GCM1: variants seen among roughly 807,000 people sequenced by gnomAD.
GCM1 encodes chorion-specific transcription factor GCMa.
GCM1 carries 2 observed loss-of-function variants against 25.7 expected under a neutral mutation model. That is an observed-to-expected ratio of 0.08 (90% CI 0.03 to 0.24). The LOEUF is 0.24. Among genes scored for constraint, GCM1 ranks in the 10% least tolerant of loss-of-function variants. The probability of loss-of-function intolerance (pLI) is 1.00; values close to 1 mark genes in which losing one functional copy is unlikely to be tolerated. For missense variants in GCM1, 395 were observed against 538.7 expected, an observed-to-expected ratio of 0.73 and a Z score of 2.64; for synonymous variants, 183 against 195.7, an observed-to-expected ratio of 0.94 and a Z score of 0.54.
intron 1 of GCM1, among the ~76,000 whole-genome samples, chr6:53,146,134 G>A (rs769267507): frequency 6.6e-5 from 10 of 150,904 alleles, no homozygotes; most frequent in Admixed American, 1.3e-4. Context: ...GCTAATGTGT[G>A]GTTGAAGCTG....
chr6:53,145,783 T>C lies in GCM1; in HGVS notation c.-136-15A>G. 1 of 580,934 alleles carries C rather than the reference T, an allele frequency of 1.7e-6. No homozygotes were observed. Among genetic ancestry groups the C allele is most frequent in the Non-Finnish European group, 3.0e-6 (1 of 330,230 alleles). The allele number at this position is 580,934 out of a possible 1,614,324, so 36.0% of individuals were successfully genotyped here. On this transcript the variant is annotated splice_polypyrimidine_tract_variant and intron_variant, in intron 1 of 5. Coordinates refer to ENST00000259803, the MANE Select transcript of GCM1 (RefSeq NM_003643.4). ...GTTTTCTAGGGCTAAAAAAATAAGT[T>C]ATATTAGTATTGGCCATTAAAGAGA... is the stretch of plus-strand genomic sequence containing the variant.
At chr6:53,129,296 AGTCTCGCTCT>A (rs1763691912) in intron 5 of GCM1, among the ~76,000 whole-genome samples, 1 of 142,378 alleles carries the variant, frequency 7.0e-6, no homozygotes, top group Non-Finnish European at 1.5e-5. Context: ...TTTGAGATGG[AGTCTCGCTCT>A]GTTGCCCAGC....
chr6:53,143,539 C>G (rs4132340), intron 2 of GCM1, among the ~76,000 whole-genome samples: 29,612 of 152,084 alleles, frequency 0.19, 3,541 homozygotes, highest in African/African-American at 0.34. Context: ...TTTCGTGTCT[C>G]TCCAACTTCT....
intron 2 of GCM1, among the ~76,000 whole-genome samples, chr6:53,142,870 C>CAAAAAAAAAAAAAAAAAA (rs60718730): frequency 8.0e-5 from 3 of 37,510 alleles, no homozygotes; most frequent in African/African-American, 7.1e-5. Flanking sequence ...CAAGGATCTC[C>CAAAAAAAAAAAAAAAAAA]AAAAAAAAAA....
Position 53,128,197 on chromosome 6 carries a change from A to C in GCM1, c.*9T>G. On this transcript the variant is annotated 3_prime_UTR_variant, in exon 6 of 6. Coordinates refer to ENST00000259803, the MANE Select transcript of GCM1 (RefSeq NM_003643.4). The stretch of plus-strand genomic sequence containing the variant: ...GAGGGGCTGGGGTGCACATAGTGAA[A>C]GATTTGGGTCATCTCAAAGGACACA... The C allele has an allele frequency of 6.3e-7, 1 of 1,596,648 alleles. No homozygotes were observed. Among genetic ancestry groups the C allele is most frequent in the Non-Finnish European group, 8.5e-7 (1 of 1,174,816 alleles).
intron 1 of GCM1, among the ~76,000 whole-genome samples, chr6:53,146,784 A>G (rs140933554): frequency 2.6e-5 from 4 of 152,236 alleles, no homozygotes; most frequent in African/African-American, 9.6e-5. Flanking sequence ...TGTAATCCCA[A>G]TACTTTGGGA....
intron 3 of GCM1, among the ~76,000 whole-genome samples, chr6:53,132,784 G>C (rs1157454196): frequency 6.6e-6 from 1 of 152,188 alleles, no homozygotes; most frequent in Non-Finnish European, 1.5e-5. Flanking sequence ...ACATGGGAGA[G>C]TGAATGCAGC....
intron 2 of GCM1, among the ~76,000 whole-genome samples, chr6:53,140,343 A>T (rs1462681797): frequency 3.3e-5 from 5 of 152,170 alleles, no homozygotes; most frequent in Non-Finnish European, 7.3e-5. Context: ...TGTTCTGATT[A>T]CATGTGGCCA....
chr6:53,131,071 C>T lies in GCM1; in HGVS notation c.442-140G>A, dbSNP rs942560833. The T allele has an allele frequency of 5.4e-6, 4 of 745,208 alleles. No homozygotes were observed. The African/African-American group carries it at 7.0e-5, about 13-fold the overall frequency. The allele number at this position is 745,208 out of a possible 1,614,324, so 46.2% of individuals were successfully genotyped here. A position where few individuals can be genotyped will look rare whatever the true frequency, so the allele number is the denominator to read the frequency against. The stretch of plus-strand genomic sequence containing the variant: ...GCCTATGGTAACCAGACTGGATGAA[C>T]CTCTGAAGGCGCTCCCAAGCCCACC... On this transcript the variant is annotated intron_variant, in intron 4 of 5. Transcript: ENST00000259803.
chr6:53,146,181 A>C (rs1763951359), intron 1 of GCM1, among the ~76,000 whole-genome samples: 1 of 147,176 alleles, frequency 6.8e-6, no homozygotes, highest in Non-Finnish European at 1.5e-5. Flanking sequence ...ATCTAGGAAA[A>C]TACATATATG....
At position 53,128,641 on chromosome 6, in the gene GCM1, G is replaced by A. The variant is rs758368502; in HGVS notation, c.876C>T (p.Gly292=). The A allele has an allele frequency of 6.8e-6, 11 of 1,613,412 alleles. No homozygotes were observed. The highest frequency in any genetic ancestry group is 2.2e-5 in the South Asian group (2 of 91,066). ...PSASGVYSDH[G]DLQAWSKNAA... ...CATTTTTACTCCACGCTTGTAGATC[G>A]CCATGATCAGAGTAGACTCCGGAGG... Residue 292 remains glycine (G), a synonymous_variant, in exon 6 of 6, where the codon GGC becomes GGT. Transcript: ENST00000259803.
chr6:53,131,846 A>G, intron 4 of GCM1, 161 bp downstream of exon 4: 1 of 625,636 alleles, frequency 1.6e-6, no homozygotes, highest in African/African-American at 1.8e-5. Flanking sequence ...AGAGCTCCCC[A>G]GCACTTCAAA....
intron 2 of GCM1, among the ~76,000 whole-genome samples, chr6:53,136,795 C>T (rs1158544722): frequency 4.0e-5 from 6 of 151,828 alleles, no homozygotes; most frequent in African/African-American, 1.5e-4. Flanking sequence ...CCCAACATGG[C>T]AAAACCCCGT....
chr6:53,144,192 C>T (rs778083978), intron 2 of GCM1, among the ~76,000 whole-genome samples: 14 of 152,074 alleles, frequency 9.2e-5, no homozygotes, highest in South Asian at 2.1e-4. Flanking sequence ...GAAGGTGAGA[C>T]GGAAGGGTTG....
chr6:53,139,560 T>C (rs1318908396), intron 2 of GCM1, among the ~76,000 whole-genome samples: 1 of 151,216 alleles, frequency 6.6e-6, no homozygotes, highest in Non-Finnish European at 1.5e-5. Context: ...TGGTATTTCT[T>C]AGTCAAGAGA....
chr6:53,137,367 T>A lies in GCM1; in HGVS notation c.76-3043A>T, dbSNP rs186664106. ...TCTCTCCACCCACCTTCTCTTCCCT[T>A]CCTTCCTTCCTTCTTCTGGCCCAAA... On this transcript the variant is annotated intron_variant, in intron 2 of 5. Transcript: ENST00000259803. 9.5e-4 allele frequency among the ~76,000 whole-genome samples: 145 copies of A among 152,300 alleles called. 1 individual carries two copies. The highest frequency in any genetic ancestry group is 2.6e-4 in the Non-Finnish European group (18 of 68,008).
chr6:53,129,023 T>C, intron 5 of GCM1, 77 bp from the exon 6 acceptor site: 2 of 1,142,102 alleles, frequency 1.8e-6, no homozygotes, highest in African/African-American at 1.5e-5. Context: ...CATGAGTTAC[T>C]CTGTACAAAT....
In GCM1 at chr6:53,127,129, C is replaced by T. The variant is rs370365805; in HGVS notation, c.*1077G>A. Reference sequence around the variant, plus strand: ...AGCTTCTCCAAGCAAATATTTCTCACCTATTACAAACCCCACATTGATATA... The same window carrying T: ...AGCTTCTCCAAGCAAATATTTCTCATCTATTACAAACCCCACATTGATATA... On this transcript the variant is annotated 3_prime_UTR_variant, in exon 6 of 6. Transcript: ENST00000259803. 1 of 152,116 alleles carries T rather than the reference C, an allele frequency of 6.6e-6. No homozygotes were observed. The highest frequency in any genetic ancestry group is 2.1e-4 in the South Asian group (1 of 4,824). The allele number at this position is 152,116 out of a possible 1,614,324, so 9.4% of individuals were successfully genotyped here.
In GCM1 at chr6:53,128,051, A is replaced by AAAAAAAAAAAAAAG. The variant is rs1763668324; in HGVS notation, c.*154_*155insCTTTTTTTTTTTTT. On this transcript the variant is annotated 3_prime_UTR_variant, in exon 6 of 6. Coordinates refer to ENST00000259803, the MANE Select transcript of GCM1 (RefSeq NM_003643.4). ...CTCAAAAAAAAAAAAAAAAAAAAAA[A>AAAAAAAAAAAAAAG]AAGAAGGAAAAAAGAAAAAGAAAAA... 1 of 332,522 alleles carries AAAAAAAAAAAAAAG rather than the reference A, an allele frequency of 3.0e-6. No homozygotes were observed. The highest frequency in any genetic ancestry group is 5.5e-5 in the East Asian group (1 of 18,026). The allele number at this position is 332,522 out of a possible 1,614,324, so 20.6% of individuals were successfully genotyped here.
Sources: allele counts gnomAD v4.1 joint callset (sites outside exome capture counted in the v4.1 genomes callset), GRCh38; gene constraint gnomAD v4.1.1; transcripts MANE v1.5; gene names NCBI Gene and HGNC (gene_info 2026-07-23, HGNC 2026-07-21).